Variants in FMNL2 observed in about 807,000 individuals in gnomAD.
FMNL2 encodes the protein formin like 2.
FMNL2 carries 51 observed loss-of-function variants against 130.2 expected under a neutral mutation model. That is an observed-to-expected ratio of 0.39 (90% CI 0.31 to 0.49). The LOEUF (loss-of-function observed/expected upper bound fraction) is 0.49, where lower values mean the gene tolerates loss of function less well. Among genes scored for constraint, FMNL2 ranks in the 20% least tolerant of loss-of-function variants. FMNL2 has a pLI of 0.85. For missense variants in FMNL2, 977 were observed against 1,316.2 expected (o/e 0.74, Z 3.99); for synonymous variants, 465 against 467.1 (o/e 1.00, Z 0.06).
intron 1 of FMNL2, among the ~76,000 whole-genome samples, chr2:152,497,619 T>C (rs892504716): frequency 6.6e-6 from 1 of 152,202 alleles, no homozygotes; most frequent in African/African-American, 2.4e-5. Context: ...TGTATATATA[T>C]TTTTTACACA....
At chr2:152,446,097 G>A (rs1017960369) in intron 1 of FMNL2, among the ~76,000 whole-genome samples, 3 of 152,076 alleles carry the variant, frequency 2.0e-5, no homozygotes, top group African/African-American at 7.2e-5. Flanking sequence ...TGTGTGTGGC[G>A]CATGTAGGCT....
At chr2:152,376,782 CAG>C (rs762762052) in intron 1 of FMNL2, among the ~76,000 whole-genome samples, 13 of 152,156 alleles carry the variant, frequency 8.5e-5, no homozygotes, top group Non-Finnish European at 1.5e-4. Context: ...AAGAAAAAGC[CAG>C]AGAAACCCAC....
At chr2:152,422,006 G>T (rs1413826629) in intron 1 of FMNL2, among the ~76,000 whole-genome samples, 1 of 152,180 alleles carries the variant, frequency 6.6e-6, no homozygotes, top group Non-Finnish European at 1.5e-5. Flanking sequence ...AACCGGTGTG[G>T]ATAGGTCAAA....
At chr2:152,372,083 T>C (rs1683918088) in intron 1 of FMNL2, among the ~76,000 whole-genome samples, 1 of 152,064 alleles carries the variant, frequency 6.6e-6, no homozygotes, top group Non-Finnish European at 1.5e-5. Flanking sequence ...ACATGTCGGG[T>C]GTAGTATATG....
At chr2:152,454,279 A>G (rs1688826735) in intron 1 of FMNL2, among the ~76,000 whole-genome samples, 3 of 152,202 alleles carry the variant, frequency 2.0e-5, no homozygotes. Flanking sequence ...TCTGTCTCAA[A>G]TAAAGAAAAA....
intron 6 of FMNL2, among the ~76,000 whole-genome samples, chr2:152,566,810 A>C (rs1695866211): frequency 6.6e-6 from 1 of 152,200 alleles, no homozygotes; most frequent in African/African-American, 2.4e-5. Context: ...GAGAGTAAAC[A>C]GCAGAACCTA....
intron 1 of FMNL2, among the ~76,000 whole-genome samples, chr2:152,373,623 C>T (rs576924226): frequency 1.4e-4 from 21 of 152,274 alleles, no homozygotes; most frequent in Admixed American, 7.2e-4. Flanking sequence ...TAATTCCTAA[C>T]GCAATGTCTA....
intron 1 of FMNL2, among the ~76,000 whole-genome samples, chr2:152,492,004 A>G (rs1691234450): frequency 6.6e-6 from 1 of 152,228 alleles, no homozygotes; most frequent in African/African-American, 2.4e-5. Context: ...ATACTGAGCT[A>G]AAGTATACAT....
chr2:152,544,981 C>G (rs1694537558), intron 3 of FMNL2, among the ~76,000 whole-genome samples: 1 of 152,220 alleles, frequency 6.6e-6, no homozygotes, highest in Non-Finnish European at 1.5e-5. Context: ...TCTGTTTGGG[C>G]CTTCATTCCC....
At position 152,626,597 on chromosome 2, in the gene FMNL2, A is replaced by C. The variant is rs1228511823; in HGVS notation, c.2035A>C (p.Ser679Arg). 6.2e-7 allele frequency: 1 copy of C among 1,612,852 alleles called. No homozygotes were observed. The highest frequency in any genetic ancestry group is 8.5e-7 in the Non-Finnish European group (1 of 1,179,396). The change falls in exon 17 of 26, where the codon AGC (serine) becomes CGC (arginine). Residue 679 changes from serine to arginine, a missense_variant. Coordinates refer to ENST00000288670, the MANE Select transcript of FMNL2 (RefSeq NM_052905.4). ...AGGACCTGCCATTGATCTTTCTTCA[A>C]GCAAACAGAAGATACCACAGAAGGG... is the stretch of plus-strand genomic sequence containing the variant. ...AQGPAIDLSS[S>R]KQKIPQKGSN...
intron 1 of FMNL2, among the ~76,000 whole-genome samples, chr2:152,368,409 C>A (rs1683686105): frequency 6.6e-6 from 1 of 151,914 alleles, no homozygotes; most frequent in Non-Finnish European, 1.5e-5. Flanking sequence ...AATAACTTAA[C>A]CCATGTATTT....
chr2:152,472,032 C>T (rs1350944013), intron 1 of FMNL2, among the ~76,000 whole-genome samples: 1 of 152,100 alleles, frequency 6.6e-6, no homozygotes, highest in East Asian at 1.9e-4. Flanking sequence ...TGTGCACTAG[C>T]CATAAGGAGC....
chr2:152,376,393 GA>G (rs1423464322), intron 1 of FMNL2, among the ~76,000 whole-genome samples: 17 of 152,204 alleles, frequency 1.1e-4, no homozygotes, highest in African/African-American at 4.1e-4. Context: ...AGGCTTCTAG[GA>G]CTGGGATCCT....
At chr2:152,427,066 G>C (rs1233165236) in intron 1 of FMNL2, among the ~76,000 whole-genome samples, 1 of 152,184 alleles carries the variant, frequency 6.6e-6, no homozygotes. Context: ...GGAGAGGATT[G>C]TATCAACCTG....
At position 152,437,377 on chromosome 2, in the gene FMNL2, T is replaced by C. The variant is rs1687822579; in HGVS notation, c.118-84566T>C. On this transcript the variant is annotated intron_variant, in intron 1 of 25. Coordinates refer to ENST00000288670, the MANE Select transcript of FMNL2 (RefSeq NM_052905.4). ...TGGCCATGCCTGTTTGCATAGCTTG[T>C]TGTCAAGATTAATTGAGAAAGAATG... Among the ~76,000 whole-genome samples, 2 of 152,094 alleles carry C rather than the reference T, an allele frequency of 1.3e-5. 1 individual carries two copies. The highest frequency in any genetic ancestry group is 4.2e-4 in the South Asian group (2 of 4,816).
intron 1 of FMNL2, among the ~76,000 whole-genome samples, chr2:152,409,452 AAGG>A (rs977864723): frequency 1.8e-4 from 28 of 152,302 alleles, no homozygotes; most frequent in African/African-American, 6.7e-4. Flanking sequence ...GAAGTTTAAA[AAGG>A]AGGTCAGGAG....
At chr2:152,625,650 T>G in intron 16 of FMNL2, 88 bp downstream of exon 16, 1 of 1,462,556 alleles carries the variant, frequency 6.8e-7, no homozygotes, top group Non-Finnish European at 9.3e-7. Context: ...GTGTCAGAGA[T>G]AAAGTACTAG....
intron 1 of FMNL2, among the ~76,000 whole-genome samples, chr2:152,406,286 T>C (rs1218498836): frequency 1.3e-5 from 2 of 152,238 alleles, no homozygotes; most frequent in Non-Finnish European, 2.9e-5. Flanking sequence ...GAGATAGTTA[T>C]CTACTGTGTT....
At chr2:152,461,395 A>G (rs1273065743) in intron 1 of FMNL2, among the ~76,000 whole-genome samples, 2 of 152,112 alleles carry the variant, frequency 1.3e-5, no homozygotes, top group East Asian at 1.9e-4. Context: ...GATCTGGTGT[A>G]TGATTTACTC....
Sources: gnomAD v4.1 joint callset for allele counts (sites outside exome capture counted in the v4.1 genomes callset) on GRCh38, gnomAD v4.1.1 for gene constraint, MANE v1.5 for transcripts, NCBI Gene and HGNC (gene_info 2026-07-23, HGNC 2026-07-21) for gene names.